GATAD2B: variants seen among roughly 807,000 people sequenced by gnomAD.
The protein encoded by GATAD2B is GATA zinc finger domain containing 2B.
GATAD2B carries 8 observed loss-of-function variants against 64.3 expected under a neutral mutation model. That is an observed-to-expected ratio of 0.12 (90% CI 0.07 to 0.22). The LOEUF (loss-of-function observed/expected upper bound fraction) is 0.22. Among genes scored for constraint, GATAD2B ranks in the 10% least tolerant of loss-of-function variants. The pLI is 1.00. For synonymous variants in GATAD2B, 281 were observed against 271.3 expected (o/e 1.04, Z -0.35); for missense variants, 453 against 752.0 (o/e 0.60, Z 4.65).
chr1:153,834,686 G>A (rs767868802), intron 1 of GATAD2B, among the ~76,000 whole-genome samples: 4 of 152,020 alleles, frequency 2.6e-5, no homozygotes, highest in African/African-American at 7.2e-5. Flanking sequence ...CACCACGCCC[G>A]GCCTAAAACT....
chr1:153,882,171 T>C (rs1456698853), intron 1 of GATAD2B, among the ~76,000 whole-genome samples: 1 of 152,094 alleles, frequency 6.6e-6, no homozygotes, highest in Non-Finnish European at 1.5e-5. Flanking sequence ...TATCCCCCCA[T>C]CATTGCAGCC....
At chr1:153,897,163 G>A (rs1408491043) in intron 1 of GATAD2B, among the ~76,000 whole-genome samples, 2 of 151,840 alleles carry the variant, frequency 1.3e-5, no homozygotes, top group Non-Finnish European at 2.9e-5. Context: ...CCGAGTAGCT[G>A]GGATTACAGG....
chr1:153,909,358 C>T (rs2101967174), intron 1 of GATAD2B, among the ~76,000 whole-genome samples: 1 of 152,012 alleles, frequency 6.6e-6, no homozygotes, highest in South Asian at 2.1e-4. Flanking sequence ...GGACTACAGG[C>T]GCCCACCACC....
chr1:153,852,045 T>C (rs1231726719), intron 1 of GATAD2B: 4 of 468,104 alleles, frequency 8.5e-6, no homozygotes, highest in African/African-American at 8.0e-5. Flanking sequence ...AATTTCAACA[T>C]AACGAAAGGT....
chr1:153,881,792 T>TGTGTGTGTGGAGGGTC (rs979120658), intron 1 of GATAD2B, among the ~76,000 whole-genome samples: 1 of 151,414 alleles, frequency 6.6e-6, no homozygotes, highest in African/African-American at 2.4e-5. Flanking sequence ...CGTGTGTGTG[T>TGTGTGTGTGGAGGGTC]GTGTGTGTGG....
At chr1:153,879,486 G>A (rs187755524) in intron 1 of GATAD2B, among the ~76,000 whole-genome samples, 19 of 152,152 alleles carry the variant, frequency 1.2e-4, no homozygotes, top group South Asian at 2.1e-4. Context: ...ACATCAGGCC[G>A]GGTGCAGTGG....
intron 1 of GATAD2B, among the ~76,000 whole-genome samples, chr1:153,915,384 T>C (rs913198306): frequency 5.9e-5 from 9 of 151,328 alleles, no homozygotes; most frequent in African/African-American, 9.7e-5. Context: ...GACTGCACCA[T>C]TGCACTCCAG....
intron 1 of GATAD2B, among the ~76,000 whole-genome samples, chr1:153,839,084 G>C (rs1675374908): frequency 8.0e-6 from 1 of 124,782 alleles, no homozygotes; most frequent in South Asian, 2.8e-4. Context: ...ACTCCAGCCT[G>C]GGTGACAGAA....
intron 1 of GATAD2B, among the ~76,000 whole-genome samples, chr1:153,854,405 AAAAC>A (rs1054171518): frequency 3.0e-4 from 45 of 152,108 alleles, no homozygotes; most frequent in Non-Finnish European, 5.6e-4. Flanking sequence ...TCCGTCTCAA[AAAAC>A]AAACAAACAA....
intron 1 of GATAD2B, among the ~76,000 whole-genome samples, chr1:153,846,557 CTTTTTTTTT>C (rs887230575): frequency 3.5e-5 from 4 of 113,860 alleles, no homozygotes; most frequent in African/African-American, 1.4e-4. Flanking sequence ...TCTTTGCGTT[CTTTTTTTTT>C]TTTTTTTTTT....
intron 1 of GATAD2B, among the ~76,000 whole-genome samples, chr1:153,901,075 G>T (rs1313439566): frequency 6.6e-6 from 1 of 151,948 alleles, no homozygotes; most frequent in Non-Finnish European, 1.5e-5. Flanking sequence ...TTAGCCAGGT[G>T]TGGTGGCCTG....
At chr1:153,811,656 A>T in intron 10 of GATAD2B, 75 bp downstream of exon 10, 2 of 866,224 alleles carry the variant, frequency 2.3e-6, no homozygotes, top group Non-Finnish European at 3.9e-6. Flanking sequence ...CAATTCCCTT[A>T]AAGGGGCTGC....
At chr1:153,898,669 A>G (rs1043279700) in intron 1 of GATAD2B, among the ~76,000 whole-genome samples, 3 of 152,188 alleles carry the variant, frequency 2.0e-5, no homozygotes, top group Admixed American at 1.3e-4. Flanking sequence ...CTCTGACCCT[A>G]TTCTGAGCAA....
intron 1 of GATAD2B, among the ~76,000 whole-genome samples, chr1:153,864,879 G>A (rs1676424559): frequency 3.3e-5 from 5 of 151,924 alleles, no homozygotes; most frequent in Admixed American, 2.6e-4. Context: ...GACCAGCCAG[G>A]TCAACATAGT....
intron 1 of GATAD2B, among the ~76,000 whole-genome samples, chr1:153,893,431 A>T (rs1307842018): frequency 6.6e-6 from 1 of 151,884 alleles, no homozygotes; most frequent in East Asian, 1.9e-4. Context: ...ACATGCCGAA[A>T]CCCAGTCTCT....
intron 1 of GATAD2B, among the ~76,000 whole-genome samples, chr1:153,850,330 C>T (rs1191207569): frequency 6.6e-6 from 1 of 152,108 alleles, no homozygotes; most frequent in Non-Finnish European, 1.5e-5. Flanking sequence ...GACAGAGTCT[C>T]ACTCTGTTGC....
chr1:153,818,001 C>A, intron 5 of GATAD2B, 39 bp downstream of exon 5: 1 of 1,534,276 alleles, frequency 6.5e-7, no homozygotes, highest in Non-Finnish European at 8.8e-7. Flanking sequence ...GGATTAGACA[C>A]GGCCCTCCAA....
Position 153,850,591 on chromosome 1 carries a change from C to T in GATAD2B, c.-1-22243G>A, listed in dbSNP as rs560733727. ...CTGGGATTACAGGTGTGAGCCACTG[C>T]GCTCAGCCTAATAAGCCCATACTTA... is the stretch of plus-strand genomic sequence containing the variant. On this transcript the variant is annotated intron_variant, in intron 1 of 10. Coordinates refer to ENST00000368655, the MANE Select transcript of GATAD2B (RefSeq NM_020699.4). Among the ~76,000 whole-genome samples the T allele has an allele frequency of 5.4e-4, 82 of 152,160 alleles. No homozygotes were observed. The South Asian group carries it at 0.016, about 30-fold the overall frequency.
chr1:153,849,744 C>T (rs977775930), intron 1 of GATAD2B, among the ~76,000 whole-genome samples: 7 of 152,148 alleles, frequency 4.6e-5, no homozygotes, highest in Non-Finnish European at 1.0e-4. Context: ...GATTCTCCTG[C>T]CTCAGCCTCC....
Sources: gnomAD v4.1 joint callset for allele counts (sites outside exome capture counted in the v4.1 genomes callset) on GRCh38, gnomAD v4.1.1 for gene constraint, MANE v1.5 for transcripts, NCBI Gene and HGNC (gene_info 2026-07-23, HGNC 2026-07-21) for gene names.